SLC9A9: variants seen among roughly 807,000 people sequenced by gnomAD.
SLC9A9 encodes solute carrier family 9 member A9.
Under a neutral mutation model 77.8 loss-of-function variants are expected in SLC9A9, and 62 were observed. That is an observed-to-expected ratio of 0.80 (90% CI 0.65 to 0.98). The LOEUF (loss-of-function observed/expected upper bound fraction) is 0.98, where lower values mean the gene tolerates loss of function less well. SLC9A9 is among the 50% of genes least tolerant of loss of function. The probability of loss-of-function intolerance (pLI) is 0.00; values close to 1 mark genes in which losing one functional copy is unlikely to be tolerated. For missense variants in SLC9A9, 775 were observed against 774.9 expected (o/e 1.00, Z 0.00); for synonymous variants, 320 against 283.5 (o/e 1.13, Z -1.29).
chr3:143,468,493 GC>G (rs2035322651), intron 11 of SLC9A9, among the ~76,000 whole-genome samples: 3 of 152,156 alleles, frequency 2.0e-5, no homozygotes, highest in Non-Finnish European at 4.4e-5. Context: ...TATATAATAA[GC>G]CTTAACATTG....
At chr3:143,679,056 G>A (rs906843209) in intron 5 of SLC9A9, among the ~76,000 whole-genome samples, 1 of 151,816 alleles carries the variant, frequency 6.6e-6, no homozygotes, top group Admixed American at 6.6e-5. Context: ...AAGAGGTGAG[G>A]GGGGTGGGAA....
chr3:143,417,312 C>T (rs1392071674), intron 12 of SLC9A9, among the ~76,000 whole-genome samples: 2 of 152,022 alleles, frequency 1.3e-5, no homozygotes, highest in Non-Finnish European at 2.9e-5. Flanking sequence ...AATTTGCCTT[C>T]CCCCCAAAGT....
intron 2 of SLC9A9, among the ~76,000 whole-genome samples, chr3:143,821,414 G>A (rs1002487134): frequency 1.3e-5 from 2 of 152,208 alleles, no homozygotes; most frequent in African/African-American, 4.8e-5. Flanking sequence ...TCAGAGATGA[G>A]ATTCAATTAG....
At chr3:143,275,456 T>TTTGCGTTTCTTCTTTA (rs1459322227) in intron 14 of SLC9A9, among the ~76,000 whole-genome samples, 1 of 152,216 alleles carries the variant, frequency 6.6e-6, no homozygotes, top group Non-Finnish European at 1.5e-5. Context: ...ATTTCCTTGC[T>TTTGCGTTTCTTCTTTA]TTGCGTTTCT....
intron 4 of SLC9A9, among the ~76,000 whole-genome samples, chr3:143,744,380 T>C (rs1935155374): frequency 6.6e-6 from 1 of 152,160 alleles, no homozygotes; most frequent in South Asian, 2.1e-4. Context: ...AGACTGACTC[T>C]CAAAGAGGCT....
chr3:143,398,993 A>G (rs1461987337), intron 12 of SLC9A9, among the ~76,000 whole-genome samples: 1 of 115,382 alleles, frequency 8.7e-6, no homozygotes, highest in African/African-American at 3.7e-5. Flanking sequence ...GATTTGTTGT[A>G]TACACACACA....
chr3:143,835,732 C>T (rs190008818), intron 1 of SLC9A9, among the ~76,000 whole-genome samples: 348 of 152,320 alleles, frequency 2.3e-3, no homozygotes, highest in African/African-American at 7.5e-3. Flanking sequence ...CTGGCTGCCA[C>T]GGCTTATGAA....
intron 1 of SLC9A9, among the ~76,000 whole-genome samples, chr3:143,847,019 T>C (rs1218501345): frequency 1.3e-5 from 2 of 152,178 alleles, no homozygotes; most frequent in Non-Finnish European, 2.9e-5. Context: ...TTCCGCCTTA[T>C]AGCTCAAGTA....
chr3:143,837,513 A>G lies in SLC9A9; in HGVS notation c.176-5292T>C, dbSNP rs1379472241. ...CGCCAATTCTCTAAAATAAGAAGAT[A>G]TAGCCTCAAACCATGTAATATTATA... On this transcript the variant is annotated intron_variant, in intron 1 of 15. Transcript: ENST00000316549. Among the ~76,000 whole-genome samples, 3 of 152,182 alleles carry G rather than the reference A, an allele frequency of 2.0e-5. No individual in the cohort carries two copies. In the East Asian group the frequency reaches 5.8e-4, roughly 29 times the overall value.
intron 9 of SLC9A9, among the ~76,000 whole-genome samples, chr3:143,552,018 T>C (rs1278063130): frequency 6.6e-6 from 1 of 152,204 alleles, no homozygotes; most frequent in Non-Finnish European, 1.5e-5. Context: ...CTTCATTTCC[T>C]TCTTTCTCTA....
intron 6 of SLC9A9, among the ~76,000 whole-genome samples, chr3:143,599,123 A>G (rs2037804981): frequency 6.6e-6 from 1 of 152,242 alleles, no homozygotes; most frequent in African/African-American, 2.4e-5. Context: ...TGGCAGAAGA[A>G]TAGTTAGGTG....
chr3:143,508,737 T>C (rs1352876292), intron 9 of SLC9A9, among the ~76,000 whole-genome samples: 1 of 152,212 alleles, frequency 6.6e-6, no homozygotes, highest in African/African-American at 2.4e-5. Flanking sequence ...TAAACTGATT[T>C]ACTATTTAAC....
chr3:143,283,473 A>T (rs1433283234), intron 14 of SLC9A9, among the ~76,000 whole-genome samples: 1 of 152,194 alleles, frequency 6.6e-6, no homozygotes, highest in Admixed American at 6.5e-5. Flanking sequence ...AATGCTTTAC[A>T]TTGCCCTCCA....
chr3:143,265,983 G>T lies in SLC9A9; in HGVS notation c.*719C>A, dbSNP rs1448238769. On this transcript the variant is annotated 3_prime_UTR_variant, in exon 16 of 16. Transcript: ENST00000316549. ...CAGGCACAACGTGGTATGGGGAGAAGAAACCTGGTTTTCTTGGAATGGTCC... is the reference window on the plus strand; with the variant it reads ...CAGGCACAACGTGGTATGGGGAGAATAAACCTGGTTTTCTTGGAATGGTCC... 1 of 692,092 alleles carries T rather than the reference G, an allele frequency of 1.4e-6. No individual in the cohort carries two copies. Among genetic ancestry groups the T allele is most frequent in the African/African-American group, 1.8e-5 (1 of 56,794 alleles). 42.9% of individuals were successfully genotyped at this position (692,092 alleles called of 1,614,324 possible). A position where few individuals can be genotyped will look rare whatever the true frequency, so the allele number is the denominator to read the frequency against.
intron 2 of SLC9A9, among the ~76,000 whole-genome samples, chr3:143,805,230 T>A (rs188214598): frequency 2.0e-5 from 3 of 152,224 alleles, no homozygotes; most frequent in Admixed American, 1.3e-4. Flanking sequence ...ATCCAGGCCA[T>A]CACCAATCAT....
intron 4 of SLC9A9, among the ~76,000 whole-genome samples, chr3:143,789,675 C>G (rs893094756): frequency 2.6e-5 from 4 of 152,062 alleles, no homozygotes; most frequent in African/African-American, 7.2e-5. Context: ...GTTCCAGAAC[C>G]TGTTCCAAGG....
At chr3:143,312,266 T>G (rs992221988) in intron 14 of SLC9A9, among the ~76,000 whole-genome samples, 3 of 152,182 alleles carry the variant, frequency 2.0e-5, no homozygotes, top group South Asian at 4.1e-4. Context: ...GGAATAAACT[T>G]TGGTGGAAAA....
chr3:143,718,806 CT>C (rs1437516259), intron 4 of SLC9A9, among the ~76,000 whole-genome samples: 1 of 152,102 alleles, frequency 6.6e-6, no homozygotes, highest in African/African-American at 2.4e-5. Context: ...TCCTTTAGGG[CT>C]TTGATTTCTG....
At chr3:143,692,011 C>T (rs1412639625) in intron 5 of SLC9A9, among the ~76,000 whole-genome samples, 2 of 152,076 alleles carry the variant, frequency 1.3e-5, no homozygotes, top group Non-Finnish European at 2.9e-5. Context: ...AGAAGGGTCC[C>T]AGCACCACCT....
Sources: gnomAD v4.1 joint callset for allele counts (sites outside exome capture counted in the v4.1 genomes callset) on GRCh38, gnomAD v4.1.1 for gene constraint, MANE v1.5 for transcripts, NCBI Gene and HGNC (gene_info 2026-07-23, HGNC 2026-07-21) for gene names.